CIB2: variants seen among roughly 807,000 people sequenced by gnomAD.
CIB2 encodes calcium and integrin binding family member 2, also known as calcium and integrin-binding family member 2.
In CIB2, 19 loss-of-function variants were observed where a neutral mutation model predicts 23.1. The ratio of observed to expected loss-of-function variants is 0.82; its 90% confidence interval spans 0.57 to 1.21. The LOEUF (loss-of-function observed/expected upper bound fraction) is 1.21, where lower values mean the gene tolerates loss of function less well. CIB2 is among the 50% of genes most tolerant of loss of function. CIB2 has a pLI of 0.00. For synonymous variants in CIB2, 94 were observed against 91.7 expected (o/e 1.03, Z -0.14); for missense variants, 220 against 241.5 (o/e 0.91, Z 0.59).
chr15:78,121,546 T>C (rs556179318), intron 2 of CIB2, among the ~76,000 whole-genome samples: 1 of 152,274 alleles, frequency 6.6e-6, no homozygotes, highest in East Asian at 1.9e-4. Context: ...TGGGAGGTAA[T>C]TGAATCATGG....
chr15:78,118,574 G>A (rs2074273116), intron 2 of CIB2, among the ~76,000 whole-genome samples: 1 of 136,644 alleles, frequency 7.3e-6, no homozygotes, highest in Non-Finnish European at 1.5e-5. Context: ...GGGTGACAGA[G>A]CCAGACTCCG....
chr15:78,116,960 C>CAA lies in CIB2; in HGVS notation c.87-5686_87-5685dup, dbSNP rs145622847. 8.0e-3 allele frequency among the ~76,000 whole-genome samples: 1,087 copies of CAA among 135,712 alleles called. 16 individuals carry two copies. Among genetic ancestry groups the CAA allele is most frequent in the African/African-American group, 0.027 (1,004 of 37,660 alleles). The allele number at this position is 135,712 out of a possible 152,430, so 89.0% of individuals were successfully genotyped here. ...AAATGAATTCACAATTTAAAAGAAC[C>CAA]AAAAAAAAAAACACAACTAAGTATA... On this transcript the variant is annotated intron_variant, in intron 2 of 5. Transcript: ENST00000258930.
chr15:78,118,951 C>T (rs1029391161), intron 2 of CIB2, among the ~76,000 whole-genome samples: 4 of 152,124 alleles, frequency 2.6e-5, no homozygotes, highest in East Asian at 1.9e-4. Context: ...GAGGCAGAAG[C>T]GGGTGGATCA....
intron 2 of CIB2, among the ~76,000 whole-genome samples, chr15:78,111,892 C>T (rs939326854): frequency 3.3e-5 from 5 of 152,184 alleles, no homozygotes; most frequent in Non-Finnish European, 5.9e-5. Flanking sequence ...CCAACTTAAG[C>T]CCTGAGGGTT....
In CIB2 at chr15:78,131,136, G is replaced by A. The variant is rs772763900; in HGVS notation, c.51+29C>T. ...GAGGGGCGGCGGGGCGGCGGGGCCT[G>A]TGTTGGGGGCCGGGCGCGCCGAGCT... On this transcript the variant is annotated intron_variant, in intron 1 of 5. Transcript: ENST00000258930. This position sits in a 1 kb window ranked among gnomAD's most constrained non-coding sequence, Gnocchi z 5.8. 1.3e-6 allele frequency: 2 copies of A among 1,563,108 alleles called. No homozygotes were observed. Among genetic ancestry groups the A allele is most frequent in the Non-Finnish European group, 1.7e-6 (2 of 1,154,530 alleles).
At chr15:78,106,692 C>T (rs936361126) in intron 4 of CIB2, among the ~76,000 whole-genome samples, 1 of 152,086 alleles carries the variant, frequency 6.6e-6, no homozygotes, top group African/African-American at 2.4e-5. Flanking sequence ...GCCTGGGGTC[C>T]CTTCCCAGCA....
chr15:78,130,524 G>C (rs192009849), intron 1 of CIB2, among the ~76,000 whole-genome samples: 53 of 152,310 alleles, frequency 3.5e-4, no homozygotes, highest in African/African-American at 1.2e-3. Context: ...AGCTGGCTCT[G>C]GAGGCAGGAA....
intron 1 of CIB2, among the ~76,000 whole-genome samples, chr15:78,127,416 G>A (rs796332278): frequency 2.0e-5 from 3 of 152,272 alleles, no homozygotes; most frequent in African/African-American, 7.2e-5. Context: ...GAAGGAGAGA[G>A]GGGGCCTAAC....
chr15:78,112,626 T>C (rs992250993), intron 2 of CIB2, among the ~76,000 whole-genome samples: 16 of 152,158 alleles, frequency 1.1e-4, no homozygotes, highest in African/African-American at 3.9e-4. Context: ...TAAGGGGCAT[T>C]GACTGTGGGC....
chr15:78,123,960 A>G (rs1366081226), intron 1 of CIB2, among the ~76,000 whole-genome samples: 1 of 152,212 alleles, frequency 6.6e-6, no homozygotes, highest in Non-Finnish European at 1.5e-5. Flanking sequence ...GCTAGGCCTA[A>G]GGAGCTTAGT....
At chr15:78,116,973 A>G (rs35567528) in intron 2 of CIB2, among the ~76,000 whole-genome samples, 1 of 150,048 alleles carries the variant, frequency 6.7e-6, no homozygotes, top group Admixed American at 6.6e-5. Flanking sequence ...AAAAAAAAAC[A>G]CAACTAAGTA....
At chr15:78,110,079 C>G (rs1178403978) in intron 3 of CIB2, among the ~76,000 whole-genome samples, 1 of 152,230 alleles carries the variant, frequency 6.6e-6, no homozygotes, top group African/African-American at 2.4e-5. Context: ...AAGAGCCATA[C>G]AGCCAGTTCA....
rs540294874 is a variant in CIB2 at position 78,119,347 on chromosome 15, T to C, written c.86+4358A>G. ...TTTGGTTCATCTATTCATTTGCTGA[T>C]GGATTGCTTCCACCTTTTGTGAATA... On this transcript the variant is annotated intron_variant, in intron 2 of 5. Coordinates refer to ENST00000258930, the MANE Select transcript of CIB2 (RefSeq NM_006383.4). Among the ~76,000 whole-genome samples, 10 of 152,344 alleles carry C rather than the reference T, an allele frequency of 6.6e-5. No homozygotes were observed. In the South Asian group the frequency reaches 1.9e-3, roughly 28 times the overall value.
Position 78,105,025 on chromosome 15 carries a change from C to G in CIB2, c.*286G>C. 2.2e-6 allele frequency: 1 copy of G among 448,688 alleles called. No individual in the cohort carries two copies. Among genetic ancestry groups the G allele is most frequent in the Admixed American group, 3.3e-5 (1 of 29,898 alleles). 27.8% of individuals were successfully genotyped at this position (448,688 alleles called of 1,614,324 possible). A position where few individuals can be genotyped will look rare whatever the true frequency, so the allele number is the denominator to read the frequency against. Reference sequence around the variant, plus strand: ...TTTCCCTCTTTGGGGGGGTGGGGAGCATTTCTGGAGTAGGAAAGGACTGGG... The same window carrying G: ...TTTCCCTCTTTGGGGGGGTGGGGAGGATTTCTGGAGTAGGAAAGGACTGGG... On this transcript the variant is annotated 3_prime_UTR_variant, in exon 6 of 6. Transcript: ENST00000258930.
rs768407461 is a variant in CIB2, at chr15:78,105,774, G to A, written c.507C>T (p.Phe169=). 19 of 1,614,170 alleles carry A rather than the reference G, an allele frequency of 1.2e-5. No individual in the cohort carries two copies. Among genetic ancestry groups the A allele is most frequent in the Admixed American group, 8.3e-5 (5 of 60,028 alleles). The change falls in exon 5 of 6, where the codon TTC becomes TTT. Residue 169 remains phenylalanine, a synonymous_variant. Transcript: ENST00000258930. ...DGDGKLGFAD[F]EDMIAKAPDF... ...CAGGGGCCTTGGCAATCATGTCCTC[G>A]AAGTCAGCAAAGCCCAGCTTGCCGT...
At chr15:78,105,680 C>T (rs2074056228) in intron 5 of CIB2, 59 bp downstream of exon 5, 1 of 1,610,382 alleles carries the variant, frequency 6.2e-7, no homozygotes, top group Non-Finnish European at 8.5e-7. Flanking sequence ...GCCTCAGCCC[C>T]AACATCCCGG....
intron 2 of CIB2, among the ~76,000 whole-genome samples, chr15:78,115,324 C>A (rs2074222184): frequency 6.6e-6 from 1 of 152,120 alleles, no homozygotes; most frequent in South Asian, 2.1e-4. Context: ...GTGGCGCAAT[C>A]TTGGCTCACT....
At chr15:78,119,667 G>A (rs749718624) in intron 2 of CIB2, among the ~76,000 whole-genome samples, 4 of 151,668 alleles carry the variant, frequency 2.6e-5, no homozygotes, top group Admixed American at 6.6e-5. Context: ...CCTGGGTCCC[G>A]GTTCAAGCAA....
intron 2 of CIB2, among the ~76,000 whole-genome samples, chr15:78,113,205 C>T (rs1177946524): frequency 1.3e-5 from 2 of 152,224 alleles, no homozygotes; most frequent in Non-Finnish European, 2.9e-5. Context: ...TGGTTCAGAG[C>T]CTGTCCAGGG....
Sources: allele counts gnomAD v4.1 joint callset (sites outside exome capture counted in the v4.1 genomes callset), GRCh38; gene constraint gnomAD v4.1.1; non-coding constraint Gnocchi (gnomAD v3.1); transcripts MANE v1.5; gene names NCBI Gene and HGNC (gene_info 2026-07-23, HGNC 2026-07-21).